MSANTD7: variants seen among roughly 807,000 people sequenced by gnomAD.
The protein encoded by MSANTD7 is zinc finger and SCAN domain containing 29.
At chr10:14,842,819 G>A in the MSANTD7 span, 5 of 1,535,136 alleles carry the variant, frequency 3.3e-6, no homozygotes, top group Admixed American at 9.8e-5. This position sits in a 1 kb window ranked among gnomAD's most constrained non-coding sequence, Gnocchi z 5.2. Context: ...TGACCTTGAG[G>A]ACTCCTGGGA....
the MSANTD7 span, among the ~76,000 whole-genome samples, chr10:14,839,026 C>CG: frequency 1.3e-5 from 2 of 152,094 alleles, no homozygotes; most frequent in Admixed American, 6.6e-5. Context: ...CCCGGAGGGG[C>CG]GGGGAGGCTG....
the MSANTD7 span, chr10:14,845,360 C>A: frequency 3.0e-6 from 3 of 985,244 alleles, no homozygotes; most frequent in Non-Finnish European, 3.6e-6. Flanking sequence ...ATCTTGCAGG[C>A]TCGAGTGCTT....
the MSANTD7 span, chr10:14,844,120 C>T: frequency 7.3e-7 from 1 of 1,360,962 alleles, no homozygotes. Flanking sequence ...ACGATGGAGC[C>T]ACGTTCTAGA....
At chr10:14,841,363 C>T in the MSANTD7 span, 3 of 152,192 alleles carry the variant, frequency 2.0e-5, no homozygotes, top group Non-Finnish European at 4.4e-5. Context: ...GCCCAAATCA[C>T]TGAGCAGCCA....
chr10:14,839,792 A>G, the MSANTD7 span: 2 of 617,370 alleles, frequency 3.2e-6, no homozygotes, highest in Non-Finnish European at 5.6e-6. Context: ...CAAGTTTAAA[A>G]TATTGAGATA....
the MSANTD7 span, chr10:14,843,336 T>G: frequency 6.5e-7 from 1 of 1,549,912 alleles, no homozygotes; most frequent in Non-Finnish European, 8.7e-7. Context: ...TTAGCAGGAA[T>G]GTTCTCTTTG....
the MSANTD7 span, chr10:14,843,928 G>T: frequency 1.2e-5 from 18 of 1,533,132 alleles, no homozygotes; most frequent in Non-Finnish European, 1.4e-5. Context: ...TTCCTAAACT[G>T]GTAGAAGTCT....
chr10:14,841,844 C>T, the MSANTD7 span, among the ~76,000 whole-genome samples: 3 of 152,346 alleles, frequency 2.0e-5, no homozygotes, highest in East Asian at 5.8e-4. Context: ...CGTTAGCTGC[C>T]TCATGGTCCA....
At chr10:14,844,731 T>C in the MSANTD7 span, 2 of 963,994 alleles carry the variant, frequency 2.1e-6, no homozygotes, top group Non-Finnish European at 2.5e-6. Context: ...TAAATATATG[T>C]AAATTCTTTG....
chr10:14,842,369 T>C, the MSANTD7 span: 1 of 1,535,966 alleles, frequency 6.5e-7, no homozygotes, highest in Admixed American at 2.0e-5. This position sits in a 1 kb window ranked among gnomAD's most constrained non-coding sequence, Gnocchi z 5.2. Context: ...CGAGGCAGAG[T>C]ATATTCAGCG....
the MSANTD7 span, chr10:14,845,710 T>G: frequency 1.5e-5 from 3 of 195,958 alleles, no homozygotes; most frequent in Non-Finnish European, 2.8e-5. Context: ...TACAGGTGCA[T>G]GCCAACATGC....
the MSANTD7 span, chr10:14,842,030 C>T: frequency 1.3e-6 from 1 of 794,702 alleles, no homozygotes; most frequent in South Asian, 1.5e-5. The surrounding 1 kb of genome is among the most constrained non-coding windows in gnomAD (Gnocchi z 5.2). Context: ...TCAGTCTTGG[C>T]CTCATGCCTG....
At chr10:14,839,748 T>G in the MSANTD7 span, among the ~76,000 whole-genome samples, 1 of 152,196 alleles carries the variant, frequency 6.6e-6, no homozygotes, top group East Asian at 1.9e-4. Context: ...AGGCTTTCTA[T>G]GAAAACGAGG....
At chr10:14,843,314 C>T in the MSANTD7 span, 5 of 1,544,274 alleles carry the variant, frequency 3.2e-6, no homozygotes, top group South Asian at 6.0e-5. Context: ...GCTGCTGGCT[C>T]CAAGCATTCC....
chr10:14,842,261 C>A, the MSANTD7 span: 2 of 1,534,972 alleles, frequency 1.3e-6, no homozygotes, highest in Non-Finnish European at 1.7e-6. The surrounding 1 kb of genome is among the most constrained non-coding windows in gnomAD (Gnocchi z 5.2). Flanking sequence ...CCAGAAGCTG[C>A]CTAGCCCTCC....
chr10:14,844,957 C>T, the MSANTD7 span: 1 of 985,434 alleles, frequency 1.0e-6, no homozygotes, highest in Non-Finnish European at 1.2e-6. Flanking sequence ...TCCTTTTCCT[C>T]AGATGTTGTA....
At chr10:14,842,226 C>T in the MSANTD7 span, 3 of 1,535,702 alleles carry the variant, frequency 2.0e-6, no homozygotes, top group Non-Finnish European at 1.7e-6. This position sits in a 1 kb window ranked among gnomAD's most constrained non-coding sequence, Gnocchi z 5.2. Context: ...AGCTTCCCCA[C>T]ACCTTCAGAC....
the MSANTD7 span, among the ~76,000 whole-genome samples, chr10:14,839,390 A>G: frequency 6.6e-6 from 1 of 152,206 alleles, no homozygotes; most frequent in South Asian, 2.1e-4. Context: ...CCTGGCTAAC[A>G]TGGTGAAACC....
At chr10:14,840,325 T>C in the MSANTD7 span, among the ~76,000 whole-genome samples, 72 of 152,296 alleles carry the variant, frequency 4.7e-4, no homozygotes, top group East Asian at 0.013. Context: ...TGATTCTTAG[T>C]GTTGGATCTT....
Sources: allele counts gnomAD v4.1 joint callset (sites outside exome capture counted in the v4.1 genomes callset), GRCh38; gene constraint gnomAD v4.1.1; non-coding constraint Gnocchi (gnomAD v3.1); transcripts MANE v1.5; gene names NCBI Gene and HGNC (gene_info 2026-07-23, HGNC 2026-07-21).